NRXN1: variants seen among roughly 807,000 people sequenced by gnomAD.
NRXN1 encodes the protein neurexin-1.
In NRXN1, 39 loss-of-function variants were observed where a neutral mutation model predicts 150.9. The observed-to-expected ratio is 0.26, with a 90% CI of 0.20 to 0.34. The LOEUF (loss-of-function observed/expected upper bound fraction) is 0.34. NRXN1 is among the 10% of genes least tolerant of loss of function. The pLI, the probability that NRXN1 is intolerant of heterozygous loss-of-function variation, is 1.00. For synonymous variants in NRXN1, 924 were observed against 757.0 expected, an observed-to-expected ratio of 1.22 and a Z score of -3.62; for missense variants, 1,815 against 1,949.9, an observed-to-expected ratio of 0.93 and a Z score of 1.30.
chr2:50,106,983 G>A (rs1005691991), intron 18 of NRXN1, among the ~76,000 whole-genome samples: 1 of 151,872 alleles, frequency 6.6e-6, no homozygotes, highest in Admixed American at 6.6e-5. Context: ...ACTGATTATG[G>A]AAGATATACG....
At chr2:49,993,160 G>A (rs1004437103) in intron 21 of NRXN1, among the ~76,000 whole-genome samples, 3 of 152,076 alleles carry the variant, frequency 2.0e-5, no homozygotes, top group Non-Finnish European at 4.4e-5. Flanking sequence ...AACCAACCAA[G>A]GTATTCTTCG....
chr2:50,053,400 A>C lies in NRXN1; in HGVS notation c.3999T>G (p.Ser1333=). The change falls in exon 21 of 23, where the codon TCT becomes TCG. Residue 1333 remains serine (S), a synonymous_variant. Transcript: ENST00000401669. ...NVRLVGEVPS[S]MTTESTATAM... ...CAGTGGCTGTTGACTCAGTTGTCATAGAGGAAGGCACTTCACCAACCAGTC... is the reference window on the plus strand; with the variant it reads ...CAGTGGCTGTTGACTCAGTTGTCATCGAGGAAGGCACTTCACCAACCAGTC... 11 of 1,614,034 alleles carry C rather than the reference A, an allele frequency of 6.8e-6. No homozygotes were observed. The highest frequency in any genetic ancestry group is 9.3e-6 in the Non-Finnish European group (11 of 1,179,940).
At chr2:50,258,259 T>G (rs2067910042) in intron 17 of NRXN1, among the ~76,000 whole-genome samples, 1 of 152,098 alleles carries the variant, frequency 6.6e-6, no homozygotes. Context: ...CTTTCAAAAT[T>G]TGAGTCAATC....
chr2:49,933,853 G>A (rs1211574977), intron 22 of NRXN1, among the ~76,000 whole-genome samples: 2 of 152,192 alleles, frequency 1.3e-5, no homozygotes, highest in African/African-American at 4.8e-5. Flanking sequence ...GTCTCAATCA[G>A]CTGTGGCAGT....
chr2:50,332,125 T>C (rs1051520718), intron 17 of NRXN1, among the ~76,000 whole-genome samples: 1 of 152,188 alleles, frequency 6.6e-6, no homozygotes, highest in Non-Finnish European at 1.5e-5. Context: ...AAATGAATTG[T>C]AAATGGTGAA....
intron 21 of NRXN1, among the ~76,000 whole-genome samples, chr2:50,050,294 C>T (rs1240674991): frequency 6.6e-6 from 1 of 151,734 alleles, no homozygotes; most frequent in Admixed American, 6.6e-5. Flanking sequence ...TTCCCTATTA[C>T]TATCCCTGCA....
At chr2:50,315,788 T>C (rs1046714764) in intron 17 of NRXN1, among the ~76,000 whole-genome samples, 6 of 152,174 alleles carry the variant, frequency 3.9e-5, no homozygotes, top group African/African-American at 1.4e-4. Flanking sequence ...TTAACCACCA[T>C]AGTAATGCTT....
chr2:49,991,193 C>A (rs1163382672), intron 21 of NRXN1, among the ~76,000 whole-genome samples: 4 of 152,112 alleles, frequency 2.6e-5, no homozygotes, highest in Non-Finnish European at 1.5e-5. Context: ...ATCTCCCTTT[C>A]ACCAACTGTT....
intron 5 of NRXN1, among the ~76,000 whole-genome samples, chr2:50,718,492 C>A (rs988260648): frequency 1.3e-5 from 2 of 152,124 alleles, no homozygotes; most frequent in Non-Finnish European, 2.9e-5. Context: ...AGTTATTAAT[C>A]TGTATCTGTT....
chr2:50,505,198 G>A (rs564767195), intron 13 of NRXN1, among the ~76,000 whole-genome samples: 2 of 151,794 alleles, frequency 1.3e-5, no homozygotes, highest in East Asian at 1.9e-4. Flanking sequence ...AGCAAGGGAC[G>A]GTAAGTCAAA....
At chr2:50,264,899 G>A (rs1574825665) in intron 17 of NRXN1, among the ~76,000 whole-genome samples, 1 of 152,072 alleles carries the variant, frequency 6.6e-6, no homozygotes, top group African/African-American at 2.4e-5. Context: ...ACCAGCAGAA[G>A]CTTGACTAAT....
chr2:50,545,755 C>A (rs1261205290), intron 9 of NRXN1, among the ~76,000 whole-genome samples: 2 of 152,260 alleles, frequency 1.3e-5, no homozygotes, highest in Non-Finnish European at 2.9e-5. Flanking sequence ...TACTCATATG[C>A]ATTCCTCAGT....
intron 17 of NRXN1, among the ~76,000 whole-genome samples, chr2:50,275,112 T>C (rs1332148218): frequency 1.3e-5 from 2 of 152,214 alleles, no homozygotes; most frequent in Non-Finnish European, 2.9e-5. Context: ...AGGTCCTGTG[T>C]AATTGGAAGT....
At chr2:50,193,592 A>C (rs1035012083) in intron 18 of NRXN1, among the ~76,000 whole-genome samples, 13 of 152,138 alleles carry the variant, frequency 8.5e-5, no homozygotes, top group African/African-American at 3.1e-4. Flanking sequence ...CAAATTGTTA[A>C]ATTGCCCTGA....
chr2:50,778,248 TGAAAA>T (rs1442368326), intron 5 of NRXN1, among the ~76,000 whole-genome samples: 4 of 151,808 alleles, frequency 2.6e-5, no homozygotes, highest in Admixed American at 2.6e-4. Flanking sequence ...AAAGACAAAA[TGAAAA>T]GAAGATGAAA....
intron 22 of NRXN1, among the ~76,000 whole-genome samples, chr2:49,922,479 A>G (rs1273818449): frequency 2.0e-5 from 3 of 152,152 alleles, no homozygotes; most frequent in South Asian, 2.1e-4. Flanking sequence ...TCACAAATCA[A>G]TTTTGTTCAC....
intron 17 of NRXN1, among the ~76,000 whole-genome samples, chr2:50,304,895 G>C (rs1290363564): frequency 6.6e-6 from 1 of 152,108 alleles, no homozygotes; most frequent in African/African-American, 2.4e-5. Context: ...TTCGAGACCA[G>C]CCTGGCCAAC....
At chr2:50,128,542 T>C (rs1704950493) in intron 18 of NRXN1, among the ~76,000 whole-genome samples, 1 of 152,194 alleles carries the variant, frequency 6.6e-6, no homozygotes, top group Non-Finnish European at 1.5e-5. Context: ...ATGTGAATGA[T>C]ATGCCACTTA....
At chr2:50,527,545 A>G (rs555790441) in intron 12 of NRXN1, among the ~76,000 whole-genome samples, 1 of 152,134 alleles carries the variant, frequency 6.6e-6, no homozygotes, top group Non-Finnish European at 1.5e-5. Flanking sequence ...TGATTGAACA[A>G]ACTCATTTTA....
Sources: gnomAD v4.1 joint callset for allele counts (sites outside exome capture counted in the v4.1 genomes callset) on GRCh38, gnomAD v4.1.1 for gene constraint, MANE v1.5 for transcripts, NCBI Gene and HGNC (gene_info 2026-07-23, HGNC 2026-07-21) for gene names.